ACKR3: variants seen among roughly 807,000 people sequenced by gnomAD.
ACKR3 encodes the protein C-X-C chemokine receptor type 7.
Under a neutral mutation model 22.4 loss-of-function variants are expected in ACKR3, and 6 were observed. The ratio of observed to expected loss-of-function variants is 0.27; its 90% CI spans 0.15 to 0.53. The LOEUF is 0.53. ACKR3 is among the 20% of genes least tolerant of loss of function. The pLI is 0.96. For missense variants in ACKR3, 396 were observed against 475.2 expected, an observed-to-expected ratio of 0.83 and a Z score of 1.55; for synonymous variants, 209 against 205.2, an observed-to-expected ratio of 1.02 and a Z score of -0.16.
At chr2:236,545,956 A>G in the ACKR3 span, among the ~76,000 whole-genome samples, 1 of 152,218 alleles carries the variant, frequency 6.6e-6, no homozygotes, top group African/African-American at 2.4e-5. This position sits in a 1 kb window ranked among gnomAD's most constrained non-coding sequence, Gnocchi z 5.3. Context: ...AGTTGTGGAC[A>G]GCTGTTCTCT....
upstream of ACKR3, among the ~76,000 whole-genome samples, chr2:236,566,529 C>T (rs960789217): frequency 3.9e-5 from 5 of 127,578 alleles, no homozygotes; most frequent in East Asian, 1.1e-3. Flanking sequence ...AGATCACTCT[C>T]CCCATAGCAG....
intron 1 of ACKR3, among the ~76,000 whole-genome samples, chr2:236,578,824 A>G (rs1186904922): frequency 6.6e-6 from 1 of 152,216 alleles, no homozygotes; most frequent in African/African-American, 2.4e-5. Context: ...AGTGAGAGCC[A>G]GGTTTCCAGG....
chr2:236,547,895 A>C, the ACKR3 span, among the ~76,000 whole-genome samples: 1 of 149,118 alleles, frequency 6.7e-6, no homozygotes, highest in African/African-American at 2.5e-5. Flanking sequence ...CTTCTGCCTG[A>C]GATTTGTTGT....
the ACKR3 span, among the ~76,000 whole-genome samples, chr2:236,540,049 A>G: frequency 6.6e-6 from 1 of 152,216 alleles, no homozygotes; most frequent in Admixed American, 6.5e-5. Flanking sequence ...TTGGGTGGGG[A>G]CACAGCCAAC....
intron 1 of ACKR3, among the ~76,000 whole-genome samples, chr2:236,573,204 A>C (rs1263463965): frequency 2.6e-5 from 4 of 151,860 alleles, no homozygotes; most frequent in Non-Finnish European, 4.4e-5. Flanking sequence ...ACACACACAC[A>C]CCCCACTCAA....
the ACKR3 span, among the ~76,000 whole-genome samples, chr2:236,538,384 G>C: frequency 6.6e-6 from 1 of 152,202 alleles, no homozygotes; most frequent in Non-Finnish European, 1.5e-5. Context: ...TGGTCAAAAG[G>C]ATCCATCCGA....
intron 1 of ACKR3, among the ~76,000 whole-genome samples, chr2:236,572,631 C>G (rs1358514727): frequency 6.6e-6 from 1 of 152,208 alleles, no homozygotes; most frequent in African/African-American, 2.4e-5. Context: ...ACTGCCTCGT[C>G]CTAGTCCTAA....
the ACKR3 span, among the ~76,000 whole-genome samples, chr2:236,544,919 T>A: frequency 6.6e-6 from 1 of 152,144 alleles, no homozygotes; most frequent in African/African-American, 2.4e-5. This position sits in a 1 kb window ranked among gnomAD's most constrained non-coding sequence, Gnocchi z 5.0. Context: ...TTGCTTTTAA[T>A]TGGGGACACT....
the ACKR3 span, among the ~76,000 whole-genome samples, chr2:236,548,919 T>A: frequency 6.6e-6 from 1 of 152,230 alleles, no homozygotes; most frequent in Non-Finnish European, 1.5e-5. This position sits in a 1 kb window ranked among gnomAD's most constrained non-coding sequence, Gnocchi z 4.3. Flanking sequence ...TCATTCCTGA[T>A]GACAAGCAAC....
upstream of ACKR3, among the ~76,000 whole-genome samples, chr2:236,568,061 T>C (rs1691225176): frequency 6.6e-6 from 1 of 152,226 alleles, no homozygotes; most frequent in South Asian, 2.1e-4. Flanking sequence ...AAGCGGGTTC[T>C]ACTTTTTAAA....
the ACKR3 span, among the ~76,000 whole-genome samples, chr2:236,553,888 G>A: frequency 4.6e-5 from 7 of 152,204 alleles, no homozygotes; most frequent in African/African-American, 7.2e-5. Flanking sequence ...ACTTGTTTCC[G>A]TCATTCTGGG....
At chr2:236,567,760 G>A (rs1049940650), upstream of ACKR3, 1 of 152,498 alleles carries the variant, frequency 6.6e-6, no homozygotes, top group South Asian at 2.1e-4. Context: ...ACTAGGGGAC[G>A]GGTGGGGGAC....
At chr2:236,557,245 C>T in the ACKR3 span, among the ~76,000 whole-genome samples, 2 of 145,318 alleles carry the variant, frequency 1.4e-5, no homozygotes, top group African/African-American at 5.6e-5. Context: ...TATATATTTT[C>T]ATGTGAACGT....
chr2:236,571,642 A>C (rs1191322320), intron 1 of ACKR3, among the ~76,000 whole-genome samples: 10 of 142,816 alleles, frequency 7.0e-5, no homozygotes, highest in East Asian at 4.0e-4. Flanking sequence ...AAAAAAAAAA[A>C]CCCAAAACAA....
At chr2:236,564,562 C>T (rs1691141403), upstream of ACKR3, among the ~76,000 whole-genome samples, 1 of 150,870 alleles carries the variant, frequency 6.6e-6, no homozygotes, top group Non-Finnish European at 1.5e-5. Context: ...AAATCATACC[C>T]TTGGTTGCCC....
chr2:236,557,989 A>G, the ACKR3 span, among the ~76,000 whole-genome samples: 1 of 152,356 alleles, frequency 6.6e-6, no homozygotes, highest in South Asian at 2.1e-4. Context: ...GGGAAGACTG[A>G]GAAACTGGGC....
At chr2:236,575,911 GA>G (rs1334398680) in intron 1 of ACKR3, among the ~76,000 whole-genome samples, 2 of 152,206 alleles carry the variant, frequency 1.3e-5, no homozygotes, top group African/African-American at 2.4e-5. Flanking sequence ...GGAGACACAT[GA>G]ATATTTTGAG....
chr2:236,556,667 G>A, the ACKR3 span, among the ~76,000 whole-genome samples: 1 of 152,212 alleles, frequency 6.6e-6, no homozygotes, highest in Non-Finnish European at 1.5e-5. Flanking sequence ...ATCTAGAATT[G>A]TAAGGTAATA....
chr2:236,578,968 G>A (rs191517649), intron 1 of ACKR3, among the ~76,000 whole-genome samples: 22 of 152,368 alleles, frequency 1.4e-4, no homozygotes, highest in Admixed American at 1.2e-3. Flanking sequence ...ATCGGCTAGG[G>A]CCAAGCTCTC....
Sources: gnomAD v4.1 joint callset for allele counts (sites outside exome capture counted in the v4.1 genomes callset) on GRCh38, gnomAD v4.1.1 for gene constraint, Gnocchi (gnomAD v3.1) non-coding constraint, MANE v1.5 for transcripts, NCBI Gene and HGNC (gene_info 2026-07-23, HGNC 2026-07-21) for gene names.